The following HECW2 variants were observed in gnomAD, a reference collection of about 807,000 sequenced individuals.
HECW2 encodes HECT, C2 and WW domain containing E3 ubiquitin protein ligase 2.
HECW2 carries 61 observed loss-of-function variants against 175.2 expected under a neutral mutation model. That is an observed-to-expected ratio of 0.35 (90% confidence interval 0.28 to 0.43). The LOEUF is 0.43. Ranked by LOEUF, HECW2 falls within the 20% of genes least tolerant of loss-of-function variation. The pLI, the probability that HECW2 is intolerant of heterozygous loss-of-function variation, is 1.00. For missense variants in HECW2, 1,524 were observed against 2,000.5 expected (o/e 0.76, Z 4.54); for synonymous variants, 671 against 731.0 (o/e 0.92, Z 1.32).
At chr2:196,554,535 G>A (rs1689730502) in intron 1 of HECW2, among the ~76,000 whole-genome samples, 1 of 152,130 alleles carries the variant, frequency 6.6e-6, no homozygotes, top group African/African-American at 2.4e-5. Context: ...AAAGAATGAG[G>A]AGGATGGTCA....
At chr2:196,383,999 A>G (rs985935657) in intron 2 of HECW2, among the ~76,000 whole-genome samples, 4 of 152,200 alleles carry the variant, frequency 2.6e-5, no homozygotes, top group African/African-American at 9.7e-5. Context: ...TCAACAGGTT[A>G]CTGAGGGTTA....
chr2:196,303,391 A>G (rs1052295319), intron 13 of HECW2, among the ~76,000 whole-genome samples: 10 of 152,162 alleles, frequency 6.6e-5, no homozygotes, highest in Non-Finnish European at 1.3e-4. Flanking sequence ...ATCTCTGCCA[A>G]GTTTTGGTAT....
intron 1 of HECW2, among the ~76,000 whole-genome samples, chr2:196,573,906 C>CAGG (rs1189871369): frequency 2.6e-5 from 4 of 151,848 alleles, no homozygotes; most frequent in African/African-American, 9.7e-5. Flanking sequence ...AACAGCTAGA[C>CAGG]AGGATGGTGC....
chr2:196,361,802 AAT>A, intron 2 of HECW2: 1 of 985,108 alleles, frequency 1.0e-6, no homozygotes, highest in Non-Finnish European at 1.2e-6. Context: ...AGCACTTTCC[AAT>A]ATCTTACCTC....
intron 17 of HECW2, among the ~76,000 whole-genome samples, chr2:196,267,458 C>T (rs1366344551): frequency 6.6e-6 from 1 of 151,864 alleles, no homozygotes; most frequent in Non-Finnish European, 1.5e-5. Flanking sequence ...GGGGACACTA[C>T]CCATTTTACA....
At chr2:196,239,939 A>G (rs1350563276) in intron 21 of HECW2, 2 of 152,236 alleles carry the variant, frequency 1.3e-5, no homozygotes, top group African/African-American at 2.4e-5. Context: ...TTCCCAAGGG[A>G]AGAGAAAAAC....
intron 1 of HECW2, among the ~76,000 whole-genome samples, chr2:196,498,810 A>G (rs1250022626): frequency 2.0e-5 from 3 of 152,118 alleles, no homozygotes; most frequent in African/African-American, 7.2e-5. Context: ...TGGTCACAAG[A>G]TTTATAACTT....
At chr2:196,304,198 A>G (rs1336410117) in intron 13 of HECW2, among the ~76,000 whole-genome samples, 1 of 151,706 alleles carries the variant, frequency 6.6e-6, no homozygotes, top group African/African-American at 2.4e-5. Context: ...ACTCATTCCT[A>G]CCCCTGAGTC....
At chr2:196,424,022 T>G (rs1695476131) in intron 2 of HECW2, among the ~76,000 whole-genome samples, 1 of 152,090 alleles carries the variant, frequency 6.6e-6, no homozygotes, top group Non-Finnish European at 1.5e-5. Flanking sequence ...TGAGCAAGTC[T>G]GTTGGTGCCA....
chr2:196,232,538 C>A (rs562888521), intron 21 of HECW2, among the ~76,000 whole-genome samples: 1 of 152,296 alleles, frequency 6.6e-6, no homozygotes, highest in African/African-American at 2.4e-5. Flanking sequence ...TGGTATCTAG[C>A]AGATTTGCAC....
chr2:196,220,715 C>A (rs1687634382), intron 25 of HECW2, 80 bp downstream of exon 25: 3 of 1,414,634 alleles, frequency 2.1e-6, no homozygotes, highest in Non-Finnish European at 2.0e-6. Flanking sequence ...AAATAGTCTA[C>A]ACATGTAAAG....
At chr2:196,201,925 T>C (rs1397080267) in intron 28 of HECW2, among the ~76,000 whole-genome samples, 2 of 152,220 alleles carry the variant, frequency 1.3e-5, no homozygotes, top group Non-Finnish European at 1.5e-5. Flanking sequence ...TCTAAGTCAG[T>C]AGGCCATTGT....
chr2:196,525,379 G>A (rs1454862705), intron 1 of HECW2, among the ~76,000 whole-genome samples: 4 of 141,474 alleles, frequency 2.8e-5, no homozygotes, highest in South Asian at 4.9e-4. Context: ...GTCTCTGCAC[G>A]TGAGATGGGT....
At chr2:196,390,057 G>T (rs1694460892) in intron 2 of HECW2, among the ~76,000 whole-genome samples, 1 of 152,064 alleles carries the variant, frequency 6.6e-6, no homozygotes, top group African/African-American at 2.4e-5. Flanking sequence ...CCTTCTCAAT[G>T]TTAGATATGG....
intron 2 of HECW2, among the ~76,000 whole-genome samples, chr2:196,397,733 A>G (rs1694709880): frequency 6.6e-6 from 1 of 152,286 alleles, no homozygotes; most frequent in East Asian, 1.9e-4. Flanking sequence ...TTTCCCTTGG[A>G]AGTTGTTAAA....
chr2:196,461,375 G>T (rs1696736781), intron 1 of HECW2, among the ~76,000 whole-genome samples: 1 of 152,134 alleles, frequency 6.6e-6, no homozygotes, highest in South Asian at 2.1e-4. Flanking sequence ...TGCTCACAAG[G>T]GTAGAGAACA....
intron 5 of HECW2, 114 bp downstream of exon 5, chr2:196,329,461 A>G (rs1692275758): frequency 2.7e-6 from 2 of 727,660 alleles, no homozygotes; most frequent in African/African-American, 1.7e-5. Flanking sequence ...GACCCCCCAA[A>G]ACTAGTTCAC....
At position 196,235,648 on chromosome 2, in the gene HECW2, C is replaced by CTTTT. The variant is rs757874073; in HGVS notation, c.3764+4797_3764+4800dup. ...TTGGAGCACAGGTAGATGCATTATT[C>CTTTT]TTTTTTTTTTTTTTTTTTTTTTTTT... is the stretch of plus-strand genomic sequence containing the variant. On this transcript the variant is annotated intron_variant, in intron 21 of 28. Transcript: ENST00000644978. 2.7e-3 allele frequency among the ~76,000 whole-genome samples: 214 copies of CTTTT among 78,884 alleles called. 2 individuals carry two copies. Among genetic ancestry groups the CTTTT allele is most frequent in the South Asian group, 4.2e-3 (9 of 2,124 alleles). 51.8% of individuals were successfully genotyped at this position (78,884 alleles called of 152,430 possible). A position where few individuals can be genotyped will look rare whatever the true frequency, so the allele number is the denominator to read the frequency against.
chr2:196,494,534 A>C (rs993815363), intron 1 of HECW2, among the ~76,000 whole-genome samples: 6 of 152,196 alleles, frequency 3.9e-5, no homozygotes, highest in African/African-American at 1.4e-4. Flanking sequence ...AAGTTTAGGA[A>C]GGTTCCCAGA....
Sources: allele counts gnomAD v4.1 joint callset (sites outside exome capture counted in the v4.1 genomes callset), GRCh38; gene constraint gnomAD v4.1.1; transcripts MANE v1.5; gene names NCBI Gene and HGNC (gene_info 2026-07-23, HGNC 2026-07-21).